MMP17: variants seen among roughly 807,000 people sequenced by gnomAD.
The protein encoded by MMP17 is matrix metalloproteinase-17.
In MMP17, 54 loss-of-function variants were observed where a neutral mutation model predicts 49.1. That is an observed-to-expected ratio of 1.10 (90% confidence interval 0.88 to 1.38). The LOEUF is 1.38. MMP17 is among the 40% of genes most tolerant of loss of function. MMP17 has a pLI of 0.00. For synonymous variants in MMP17, 397 were observed against 383.1 expected, an observed-to-expected ratio of 1.04 and a Z score of -0.42; for missense variants, 837 against 853.7, an observed-to-expected ratio of 0.98 and a Z score of 0.24.
chr12:131,845,220 G>A lies in MMP17; in HGVS notation c.1051+20G>A, dbSNP rs758638874. 1.9e-5 allele frequency: 30 copies of A among 1,613,934 alleles called. No homozygotes were observed. Among genetic ancestry groups the A allele is most frequent in the East Asian group, 6.7e-5 (3 of 44,880 alleles). ...TCAAAGGTACCTCCAGGGTTCCCGT[G>A]GCGGTTGGCTGAGGGCCATGGCCCA... On this transcript the variant is annotated intron_variant, in intron 7 of 9. Coordinates refer to ENST00000360564, the MANE Select transcript of MMP17 (RefSeq NM_016155.7).
At position 131,840,666 on chromosome 12, in the gene MMP17, C is replaced by A; in HGVS notation, c.516C>A (p.Pro172=). 6.2e-7 allele frequency: 1 copy of A among 1,608,578 alleles called. No individual in the cohort carries two copies. Among genetic ancestry groups the A allele is most frequent in the Non-Finnish European group, 8.5e-7 (1 of 1,179,962 alleles). Residue 172 remains proline (P), a synonymous_variant, in exon 4 of 10, where the codon CCC becomes CCA. Transcript: ENST00000360564. ...TCAAGGTCTGGAGCGACATTGCGCC[C>A]CTGAACTTCCACGAGGTGGCGGGCA... The part of the protein sequence containing the change: ...YALKVWSDIA[P]LNFHEVAGSA...
At position 131,851,422 on chromosome 12, in the gene MMP17, C is replaced by T. The variant is rs766236427; in HGVS notation, c.*148C>T. 4 of 608,554 alleles carry T rather than the reference C, an allele frequency of 6.6e-6. No individual in the cohort carries two copies. The highest frequency in any genetic ancestry group is 4.8e-4 in the Middle Eastern group (1 of 2,062). The allele number at this position is 608,554 out of a possible 1,614,324, so 37.7% of individuals were successfully genotyped here. ...CGGAAGGCCAGCAGAGGGCACTGTCCGCCAGGGCTGGGCAGGCTCAGGTGG... is the reference window on the plus strand; with the variant it reads ...CGGAAGGCCAGCAGAGGGCACTGTCTGCCAGGGCTGGGCAGGCTCAGGTGG... On this transcript the variant is annotated 3_prime_UTR_variant, in exon 10 of 10. Coordinates refer to ENST00000360564, the MANE Select transcript of MMP17 (RefSeq NM_016155.7).
chr12:131,831,057 G>A (rs1054580897), intron 1 of MMP17, among the ~76,000 whole-genome samples: 1 of 152,188 alleles, frequency 6.6e-6, no homozygotes, highest in African/African-American at 2.4e-5. Context: ...GTGGCACCGT[G>A]GGCCGTGCGA....
intron 6 of MMP17, chr12:131,844,459 G>A (rs1235208531): frequency 6.7e-6 from 2 of 296,364 alleles, no homozygotes; most frequent in Non-Finnish European, 1.3e-5. Context: ...CACTGCCGGG[G>A]CCCACATCTG....
intron 6 of MMP17, 192 bp from the exon 7 acceptor site, chr12:131,844,926 G>GGTGGTCGCCGTATCATTAAAAAAAAAT: frequency 1.7e-6 from 1 of 601,270 alleles, no homozygotes; most frequent in Non-Finnish European, 3.0e-6. Context: ...CGTAGATCTC[G>GGTGGTCGCCGTATCATTAAAAAAAAAT]GCCCCCGCCC....
chr12:131,834,233 C>T (rs527319405), intron 1 of MMP17, among the ~76,000 whole-genome samples: 1 of 152,320 alleles, frequency 6.6e-6, no homozygotes, highest in East Asian at 1.9e-4. Flanking sequence ...CAGGGGGTGG[C>T]TGCCGTGGGT....
At chr12:131,850,830 G>A in intron 9 of MMP17, 95 bp from the exon 10 acceptor site, 1 of 967,536 alleles carries the variant, frequency 1.0e-6, no homozygotes, top group Non-Finnish European at 1.4e-6. Context: ...TTCCGCTGCA[G>A]CCCTCCCTGA....
At chr12:131,848,657 T>C (rs1250077800) in intron 8 of MMP17, among the ~76,000 whole-genome samples, 1 of 147,824 alleles carries the variant, frequency 6.8e-6, no homozygotes, top group Non-Finnish European at 1.5e-5. Flanking sequence ...AGGGACCCCA[T>C]GTCAGTGGGA....
intron 1 of MMP17, among the ~76,000 whole-genome samples, chr12:131,830,137 C>T (rs1161018552): frequency 1.3e-5 from 2 of 152,240 alleles, no homozygotes; most frequent in Non-Finnish European, 2.9e-5. Context: ...GGGGCCCACA[C>T]ACTCAGGAGG....
chr12:131,844,024 C>T lies in MMP17; in HGVS notation c.911C>T (p.Ala304Val), dbSNP rs747768100. Residue 304 changes from alanine to valine, a missense_variant, in exon 6 of 10, where the codon GCG becomes GTG. Physicochemically the swap from Ala to Val is moderately conservative, Grantham distance 64 (BLOSUM62 0). Coordinates refer to ENST00000360564, the MANE Select transcript of MMP17 (RefSeq NM_016155.7). ...YGVRESVSPTAQPEEPPLLPE... is the reference protein window; with the variant it reads ...YGVRESVSPTVQPEEPPLLPE... ...GTGCGGGAGTCTGTGTCTCCCACGG[C>T]GCAGCCCGAGGAGCCTCCCCTGCTG... 3.8e-6 allele frequency: 6 copies of T among 1,568,696 alleles called. No homozygotes were observed. Among genetic ancestry groups the T allele is most frequent in the East Asian group, 4.7e-5 (2 of 42,326 alleles).
chr12:131,841,430 G>A (rs1887401122), intron 4 of MMP17, among the ~76,000 whole-genome samples, 194 bp from the exon 5 acceptor site: 1 of 152,130 alleles, frequency 6.6e-6, no homozygotes, highest in Non-Finnish European at 1.5e-5. Flanking sequence ...CCCAGGCCTG[G>A]GAAGCCCAGC....
intron 8 of MMP17, among the ~76,000 whole-genome samples, chr12:131,847,408 G>A (rs1365807411): frequency 7.1e-5 from 10 of 140,318 alleles, no homozygotes; most frequent in East Asian, 4.1e-4. Context: ...GCGAGACTCC[G>A]TCTCAAAAAA....
intron 1 of MMP17, 146 bp from the exon 2 acceptor site, chr12:131,838,049 C>A: frequency 9.6e-7 from 1 of 1,046,512 alleles, no homozygotes; most frequent in Non-Finnish European, 1.4e-6. Flanking sequence ...CCGGCAGCTG[C>A]CCAGGGAAGA....
At chr12:131,844,173 T>C (rs1347361513) in intron 6 of MMP17, 92 bp downstream of exon 6, 9 of 1,119,692 alleles carry the variant, frequency 8.0e-6, no homozygotes, top group African/African-American at 1.6e-5. Context: ...TGGCTCAGAG[T>C]CCTGGGAAAC....
intron 5 of MMP17, 117 bp downstream of exon 5, chr12:131,841,917 A>G (rs1417063085): frequency 3.4e-6 from 4 of 1,184,374 alleles, no homozygotes; most frequent in Non-Finnish European, 4.6e-6. Context: ...CCCTCCACGG[A>G]TGGTGCCGTG....
At chr12:131,833,888 G>T (rs896723073) in intron 1 of MMP17, among the ~76,000 whole-genome samples, 1 of 152,240 alleles carries the variant, frequency 6.6e-6, no homozygotes, top group African/African-American at 2.4e-5. Context: ...CGGGGACGGG[G>T]CCTGCACTCC....
intron 1 of MMP17, among the ~76,000 whole-genome samples, chr12:131,832,764 T>A (rs566777937): frequency 3.5e-4 from 54 of 152,218 alleles, no homozygotes; most frequent in Non-Finnish European, 5.6e-4. Flanking sequence ...CCCCTCCTCA[T>A]GTTGGCCCCA....
intron 1 of MMP17, among the ~76,000 whole-genome samples, chr12:131,832,356 G>A (rs538651791): frequency 8.3e-6 from 1 of 120,092 alleles, no homozygotes; most frequent in South Asian, 3.4e-4. Flanking sequence ...GGGATGGGAA[G>A]GGGGAAGGCT....
At chr12:131,844,404 A>G (rs1887584302) in intron 6 of MMP17, 2 of 399,118 alleles carry the variant, frequency 5.0e-6, no homozygotes, top group Non-Finnish European at 9.0e-6. Flanking sequence ...GAAGTCAGGC[A>G]GGGCCTGCGA....
Sources: allele counts gnomAD v4.1 joint callset (sites outside exome capture counted in the v4.1 genomes callset), GRCh38; gene constraint gnomAD v4.1.1; transcripts MANE v1.5; gene names NCBI Gene and HGNC (gene_info 2026-07-23, HGNC 2026-07-21).